Variants in RIPK4 observed in about 807,000 individuals in gnomAD.
RIPK4 encodes the protein receptor-interacting serine/threonine-protein kinase 4.
RIPK4 carries 17 observed loss-of-function variants against 42.9 expected under a neutral mutation model. The ratio of observed to expected loss-of-function variants is 0.40; its 90% CI spans 0.27 to 0.59. The LOEUF (loss-of-function observed/expected upper bound fraction) is 0.59. Among genes scored for constraint, RIPK4 ranks in the 20% least tolerant of loss-of-function variants. The pLI, the probability that RIPK4 is intolerant of heterozygous loss-of-function variation, is 0.47. For missense variants in RIPK4, 897 were observed against 1,104.4 expected (o/e 0.81, Z 2.66); for synonymous variants, 498 against 499.1 (o/e 1.00, Z 0.03).
Position 41,751,132 on chromosome 21 carries a change from C to T in RIPK4, c.588G>A (p.Lys196=), listed in dbSNP as rs1462378405. The T allele has an allele frequency of 6.2e-7, 1 of 1,614,180 alleles. No homozygotes were observed. Among genetic ancestry groups the T allele is most frequent in the East Asian group, 2.2e-5 (1 of 44,862 alleles). The change falls in exon 3 of 8, where the codon AAG becomes AAA. Residue 196 remains lysine, a synonymous_variant. Transcript: ENST00000332512. The surrounding 1 kb of genome is among the most constrained non-coding windows in gnomAD (Gnocchi z 4.5). ...CGTGCTTGGTGTCGAAGAGCCGGCT[C>T]TTCTCCCTGATGCGCTCTGGAGGGA... ...AYLPPERIRE[K]SRLFDTKHDV... is the part of the protein sequence containing the mutation.
At position 41,741,162 on chromosome 21, in the gene RIPK4, A is replaced by T. The variant is rs1392047933; in HGVS notation, c.2031T>A (p.Ala677=). The change falls in exon 8 of 8, where the codon GCT becomes GCA. Residue 677 remains alanine (A), a synonymous_variant. Coordinates refer to ENST00000332512, the MANE Select transcript of RIPK4 (RefSeq NM_020639.3). ...TSDGYTALHL[A]ARNGHLATVK... is the part of the protein sequence containing the mutation. ...CAGTGGCCAGGTGTCCGTTGCGGGC[A>T]GCCAGGTGCAGAGCGGTGTAGCCGT... 1.2e-6 allele frequency: 2 copies of T among 1,612,708 alleles called. No individual in the cohort carries two copies. The highest frequency in any genetic ancestry group is 1.1e-5 in the South Asian group (1 of 90,992).
chr21:41,741,201 C>T lies in RIPK4; in HGVS notation c.1992G>A (p.Glu664=). The change falls in exon 8 of 8, where the codon GAG becomes GAA. Residue 664 remains glutamate (E), a synonymous_variant. Transcript: ENST00000332512. ...RLLLHRGAGK[E]AMTSDGYTAL... Reference sequence around the variant, plus strand: ...CGGTGTAGCCGTCTGAGGTCATGGCCTCCTTGCCAGCGCCCCGATGCAGGA... The same window carrying T: ...CGGTGTAGCCGTCTGAGGTCATGGCTTCCTTGCCAGCGCCCCGATGCAGGA... 6.2e-7 allele frequency: 1 copy of T among 1,609,834 alleles called. No homozygotes were observed.
chr21:41,766,828 A>G, intron 1 of RIPK4, 32 bp downstream of exon 1: 1 of 1,587,042 alleles, frequency 6.3e-7, no homozygotes, highest in Non-Finnish European at 8.6e-7. Flanking sequence ...CCCGGGCCCC[A>G]GCCGCCCCAG....
intron 3 of RIPK4, among the ~76,000 whole-genome samples, chr21:41,749,907 A>G (rs1465454712): frequency 6.6e-6 from 1 of 150,684 alleles, no homozygotes; most frequent in Admixed American, 6.6e-5. Context: ...AAAAAAAAAA[A>G]AAGAAAAGAA....
intron 1 of RIPK4, among the ~76,000 whole-genome samples, chr21:41,764,927 T>C (rs563777249): frequency 7.2e-5 from 11 of 152,198 alleles, no homozygotes; most frequent in African/African-American, 2.2e-4. Flanking sequence ...CCACCTGACA[T>C]GCCACCACCT....
At position 41,751,589 on chromosome 21, in the gene RIPK4, C is replaced by T. The variant is rs969674206; in HGVS notation, c.475-344G>A. ...CATGGTGGTTGAGAGCCGGCTGAGC[C>T]GGCATAAAGGGAAAAAAACAAGCCT... is the stretch of plus-strand genomic sequence containing the variant. On this transcript the variant is annotated intron_variant, in intron 2 of 7. Coordinates refer to ENST00000332512, the MANE Select transcript of RIPK4 (RefSeq NM_020639.3). This position sits in a 1 kb window ranked among gnomAD's most constrained non-coding sequence, Gnocchi z 4.5. 3.9e-5 allele frequency among the ~76,000 whole-genome samples: 6 copies of T among 152,322 alleles called. No individual in the cohort carries two copies. In the East Asian group the frequency reaches 5.8e-4, roughly 15 times the overall value.
chr21:41,750,840 G>A (rs1339956015), intron 3 of RIPK4, among the ~76,000 whole-genome samples: 7 of 152,144 alleles, frequency 4.6e-5, no homozygotes, highest in African/African-American at 1.7e-4. Flanking sequence ...ACCAAGCTGG[G>A]CTAATTTTTG....
At chr21:41,745,706 C>T (rs975935579) in intron 6 of RIPK4, 53 bp downstream of exon 6, 4 of 1,410,934 alleles carry the variant, frequency 2.8e-6, no homozygotes, top group Non-Finnish European at 4.0e-6. Flanking sequence ...GGTTTGGAAA[C>T]TCCTGCCTGG....
intron 5 of RIPK4, 150 bp downstream of exon 5, chr21:41,746,462 TG>T: frequency 1.1e-6 from 1 of 947,248 alleles, no homozygotes; most frequent in South Asian, 1.7e-5. Flanking sequence ...AGGCAGGTGC[TG>T]GGTCCAACCT....
chr21:41,745,611 T>C lies in RIPK4; in HGVS notation c.936+148A>G, dbSNP rs146516642. 1.4e-3 allele frequency: 876 copies of C among 631,622 alleles called. 8 individuals carry two copies. The East Asian group carries it at 0.021, about 15-fold the overall frequency. The allele number at this position is 631,622 out of a possible 1,614,324, so 39.1% of individuals were successfully genotyped here. On this transcript the variant is annotated intron_variant, in intron 6 of 7. Coordinates refer to ENST00000332512, the MANE Select transcript of RIPK4 (RefSeq NM_020639.3). ...GGTGGACCTGAGCCCCCATGGGACC[T>C]ACACTTCTAATGGAGTTGGGTGCGG...
At chr21:41,748,428 G>A (rs1037901751) in intron 4 of RIPK4, among the ~76,000 whole-genome samples, 1 of 152,238 alleles carries the variant, frequency 6.6e-6, no homozygotes, top group East Asian at 1.9e-4. Flanking sequence ...GGATTTTTAT[G>A]ATAAGTAAGT....
chr21:41,741,078 C>T lies in RIPK4; in HGVS notation c.2115G>A (p.Thr705=), dbSNP rs754700203. 1.2e-5 allele frequency: 20 copies of T among 1,611,638 alleles called. No individual in the cohort carries two copies. The highest frequency in any genetic ancestry group is 1.7e-4 in the Middle Eastern group (1 of 6,058). The stretch of plus-strand genomic sequence containing the variant: ...CGTGGGCGGCAGCCAGGTGCAGCGC[C>T]GTCTGGTTCAGGGGTCCCCGGGCCA... ...DVLARGPLNQ[T]ALHLAAAHGH... The change falls in exon 8 of 8, where the codon ACG becomes ACA. Residue 705 remains threonine, a synonymous_variant. Transcript: ENST00000332512.
intron 2 of RIPK4, among the ~76,000 whole-genome samples, chr21:41,752,012 G>A (rs1487366836): frequency 6.6e-6 from 1 of 151,998 alleles, no homozygotes; most frequent in Non-Finnish European, 1.5e-5. Flanking sequence ...AGGTGACCTT[G>A]GAGCTCACTG....
rs547047401 is a variant in RIPK4 at position 41,749,261 on chromosome 21, A to G, written c.624-58T>C. 1.2e-5 allele frequency: 19 copies of G among 1,560,032 alleles called. No homozygotes were observed. The Admixed American group carries it at 2.0e-4, about 16-fold the overall frequency. Reference sequence around the variant, plus strand: ...CAGCCAGAGACTCAAAGCCAAATGCACTCATGCACAGCAACAGGCGTGAAG... The same window carrying G: ...CAGCCAGAGACTCAAAGCCAAATGCGCTCATGCACAGCAACAGGCGTGAAG... On this transcript the variant is annotated intron_variant, in intron 3 of 7. Coordinates refer to ENST00000332512, the MANE Select transcript of RIPK4 (RefSeq NM_020639.3).
At chr21:41,749,889 T>TA (rs776305508) in intron 3 of RIPK4, among the ~76,000 whole-genome samples, 1,401 of 99,296 alleles carry the variant, frequency 0.014, 16 homozygotes, top group African/African-American at 0.034. Context: ...CCAAATTGAT[T>TA]AAAAAAAAAA....
intron 6 of RIPK4, among the ~76,000 whole-genome samples, 174 bp from the exon 7 acceptor site, chr21:41,744,314 C>T (rs1045017090): frequency 8.5e-5 from 13 of 152,180 alleles, no homozygotes; most frequent in African/African-American, 1.7e-4. Flanking sequence ...GACCCCGCAT[C>T]GGCACAGCAC....
intron 1 of RIPK4, among the ~76,000 whole-genome samples, chr21:41,757,852 A>G (rs574601132): frequency 9.5e-4 from 143 of 151,320 alleles, no homozygotes; most frequent in Admixed American, 1.7e-3. Context: ...TACAAAAATT[A>G]GCTGGGCGTG....
intron 1 of RIPK4, among the ~76,000 whole-genome samples, chr21:41,762,500 T>G (rs1263849564): frequency 2.6e-5 from 4 of 152,326 alleles, no homozygotes; most frequent in Admixed American, 2.6e-4. Context: ...CCAGCGGCTT[T>G]AGGAAGCTCC....
chr21:41,746,190 G>A, intron 5 of RIPK4: 1 of 628,200 alleles, frequency 1.6e-6, no homozygotes, highest in South Asian at 1.5e-5. Context: ...AGCTTTAAAT[G>A]CAGCAGTTTC....
Sources: gnomAD v4.1 joint callset for allele counts (sites outside exome capture counted in the v4.1 genomes callset) on GRCh38, gnomAD v4.1.1 for gene constraint, Gnocchi (gnomAD v3.1) non-coding constraint, MANE v1.5 for transcripts, NCBI Gene and HGNC (gene_info 2026-07-23, HGNC 2026-07-21) for gene names.